Variants in NAV2 observed in about 807,000 individuals in gnomAD.
NAV2 encodes the protein helicase, APC down-regulated 1.
A neutral mutation model predicts 223.2 loss-of-function variants in NAV2; 54 were observed. The observed-to-expected ratio is 0.24, with a 90% CI of 0.19 to 0.30. The LOEUF (loss-of-function observed/expected upper bound fraction) is 0.30, where lower values mean the gene tolerates loss of function less well. NAV2 is among the 10% of genes least tolerant of loss of function. The pLI is 1.00. For synonymous variants in NAV2, 1,279 were observed against 1,239.3 expected (o/e 1.03, Z -0.67); for missense variants, 2,806 against 3,147.5 (o/e 0.89, Z 2.60).
Position 19,632,078 on chromosome 11 carries a change from A to G in NAV2, c.76-200406A>G, listed in dbSNP as rs548901501. ...GGCAGGCAGGGTGGGGGTGTGGGGA[A>G]TAGCTATTACATGTCGCTTCAAAGG... On this transcript the variant is annotated intron_variant, in intron 1 of 37. Transcript: ENST00000360655. 4.0e-4 allele frequency among the ~76,000 whole-genome samples: 61 copies of G among 152,314 alleles called. 1 individual carries two copies. The highest frequency in any genetic ancestry group is 1.4e-3 in the African/African-American group (58 of 41,574).
chr11:20,094,202 GTTC>G (rs1280970483), intron 29 of NAV2, among the ~76,000 whole-genome samples: 1 of 146,556 alleles, frequency 6.8e-6, no homozygotes, highest in Non-Finnish European at 1.5e-5. Flanking sequence ...GGGGAAACTC[GTTC>G]TTTTTTCTTT....
chr11:20,112,897 C>T (rs1411417455), intron 36 of NAV2, among the ~76,000 whole-genome samples: 1 of 152,236 alleles, frequency 6.6e-6, no homozygotes, highest in Non-Finnish European at 1.5e-5. Context: ...ACACTGTTGT[C>T]AGCACCTTGC....
At position 19,713,505 on chromosome 11, in the gene NAV2, C is replaced by T. The variant is rs531554758; in HGVS notation, c.-191C>T. The T allele has an allele frequency of 2.0e-3, 2,731 of 1,380,594 alleles. 10 individuals are homozygous for T. The highest frequency in any genetic ancestry group is 1.7e-3 in the Non-Finnish European group (1,797 of 1,072,934). 85.5% of individuals were successfully genotyped at this position (1,380,594 alleles called of 1,614,324 possible). A position where few individuals can be genotyped will look rare whatever the true frequency, so the allele number is the denominator to read the frequency against. ...CCGTGGCCAGTCCCCCATTCCCATC[C>T]CGGCACCCCAAAGGCGCGCTCGCCC... On this transcript the variant is annotated 5_prime_UTR_variant, in exon 1 of 38. Coordinates refer to ENST00000349880, the MANE Select transcript of NAV2 (RefSeq NM_145117.5). The surrounding 1 kb of genome is among the most constrained non-coding windows in gnomAD (Gnocchi z 7.2).
chr11:20,038,164 A>G (rs1204967030), intron 12 of NAV2, among the ~76,000 whole-genome samples: 3 of 152,204 alleles, frequency 2.0e-5, no homozygotes, highest in African/African-American at 7.2e-5. Context: ...GGATTTGTAC[A>G]TGATTTTCTA....
At chr11:20,077,531 A>C in intron 22 of NAV2, 21 bp from the exon 23 acceptor site, 1 of 1,581,684 alleles carries the variant, frequency 6.3e-7, no homozygotes, top group Non-Finnish European at 8.7e-7. Flanking sequence ...AATATAACTG[A>C]GGTTGTGTCT....
intron 3 of NAV2, among the ~76,000 whole-genome samples, chr11:19,850,515 T>G (rs2061052904): frequency 6.6e-6 from 1 of 152,224 alleles, no homozygotes; most frequent in Non-Finnish European, 1.5e-5. Flanking sequence ...ACCATTATTC[T>G]GATTTCATTA....
intron 1 of NAV2, among the ~76,000 whole-genome samples, chr11:19,815,703 T>A (rs1373994313): frequency 1.3e-5 from 2 of 152,252 alleles, no homozygotes; most frequent in African/African-American, 4.8e-5. Context: ...ATACCTGGTC[T>A]GTTAGCTGGA....
intron 1 of NAV2, among the ~76,000 whole-genome samples, chr11:19,732,998 A>T (rs2051945998): frequency 6.6e-6 from 1 of 152,262 alleles, no homozygotes; most frequent in Admixed American, 6.5e-5. Flanking sequence ...TGTCTTGAAC[A>T]CAAAAGCAGC....
At chr11:19,429,116 C>T (rs552236273) in intron 1 of NAV2, among the ~76,000 whole-genome samples, 1 of 152,312 alleles carries the variant, frequency 6.6e-6, no homozygotes, top group South Asian at 2.1e-4. Context: ...TCTAGAATCC[C>T]CCAGGTGCAC....
At chr11:19,989,694 A>T (rs2051138320) in intron 11 of NAV2, among the ~76,000 whole-genome samples, 1 of 152,066 alleles carries the variant, frequency 6.6e-6, no homozygotes, top group African/African-American at 2.4e-5. Context: ...CCTTGCAAAT[A>T]TTATCTCATT....
chr11:19,792,880 AG>A (rs2057621500), intron 1 of NAV2, among the ~76,000 whole-genome samples: 1 of 150,978 alleles, frequency 6.6e-6, no homozygotes, highest in African/African-American at 2.4e-5. Context: ...GAAGACAGGG[AG>A]CGCCTGACAG....
chr11:20,051,409 G>A, intron 17 of NAV2, 76 bp downstream of exon 17: 1 of 1,424,316 alleles, frequency 7.0e-7, no homozygotes, highest in Non-Finnish European at 9.9e-7. Context: ...CTTCATGGCT[G>A]GTGGGGGTTT....
At position 20,035,924 on chromosome 11, in the gene NAV2, G is replaced by A. The variant is rs372444179; in HGVS notation, c.2769-35G>A. 1.7e-5 allele frequency: 28 copies of A among 1,613,472 alleles called. No individual in the cohort carries two copies. In the African/African-American group the frequency reaches 3.3e-4, roughly 19 times the overall value. ...TCAGCCTGAGCTGGAACAGCCTGAG[G>A]TTTTGGTGCTCAGGATGTGTGTTTG... On this transcript the variant is annotated intron_variant, in intron 11 of 37. Transcript: ENST00000349880.
intron 1 of NAV2, among the ~76,000 whole-genome samples, chr11:19,809,168 C>A (rs1008522682): frequency 3.3e-5 from 5 of 152,122 alleles, no homozygotes; most frequent in South Asian, 2.1e-4. Context: ...AATGAGTATT[C>A]TAGGAAATTC....
At position 19,583,559 on chromosome 11, in the gene NAV2, C is replaced by G. The variant is rs564397013; in HGVS notation, c.75+232532C>G. Among the ~76,000 whole-genome samples, 23 of 152,232 alleles carry G rather than the reference C, an allele frequency of 1.5e-4. 1 individual carries two copies. In the South Asian group the frequency reaches 4.8e-3, roughly 32 times the overall value. ...TATTTTGAGACATGTCCCATCAATA[C>G]CTAATTTATTGAGAGTTTTTAGCAT... On this transcript the variant is annotated intron_variant, in intron 1 of 37. Transcript: ENST00000360655.
intron 1 of NAV2, among the ~76,000 whole-genome samples, chr11:19,374,361 G>A (rs1452307249): frequency 7.9e-6 from 1 of 125,852 alleles, no homozygotes; most frequent in African/African-American, 3.1e-5. Flanking sequence ...GACTCACCAT[G>A]TAACTGTCCT....
intron 4 of NAV2, among the ~76,000 whole-genome samples, chr11:19,877,148 T>A (rs2153078334): frequency 6.6e-6 from 1 of 152,102 alleles, no homozygotes; most frequent in Middle Eastern, 3.4e-3. Flanking sequence ...GGACAAGTCA[T>A]AAAACCTTTC....
At chr11:19,971,061 A>G (rs2049195135) in intron 10 of NAV2, among the ~76,000 whole-genome samples, 1 of 152,190 alleles carries the variant, frequency 6.6e-6, no homozygotes, top group Admixed American at 6.5e-5. Context: ...GATGAGGCAG[A>G]CCATCATGGT....
intron 1 of NAV2, among the ~76,000 whole-genome samples, chr11:19,534,376 T>G (rs1211912102): frequency 6.6e-6 from 1 of 152,206 alleles, no homozygotes; most frequent in Non-Finnish European, 1.5e-5. Flanking sequence ...TCCAACAGCT[T>G]TGGTGAACAC....
Sources: allele counts gnomAD v4.1 joint callset (sites outside exome capture counted in the v4.1 genomes callset), GRCh38; gene constraint gnomAD v4.1.1; non-coding constraint Gnocchi (gnomAD v3.1); transcripts MANE v1.5; gene names NCBI Gene and HGNC (gene_info 2026-07-23, HGNC 2026-07-21).